The following HSD17B2 variants were observed in gnomAD, a reference collection of about 807,000 sequenced individuals.
HSD17B2 encodes the protein hydroxysteroid 17-beta dehydrogenase 2.
Under a neutral mutation model 26.9 loss-of-function variants are expected in HSD17B2, and 32 were observed. The observed-to-expected ratio is 1.19, with a 90% CI of 0.90 to 1.60. The LOEUF (loss-of-function observed/expected upper bound fraction) is 1.60, where lower values mean the gene tolerates loss of function less well. Ranked by LOEUF, HSD17B2 falls within the 40% of genes most tolerant of loss-of-function variation. HSD17B2 has a pLI of 0.00. For synonymous variants in HSD17B2, 246 were observed against 186.7 expected, an observed-to-expected ratio of 1.32 and a Z score of -2.59; for missense variants, 613 against 468.6, an observed-to-expected ratio of 1.31 and a Z score of -2.85.
chr16:82,067,601 T>C (rs1317709071), intron 1 of HSD17B2, among the ~76,000 whole-genome samples: 3 of 152,226 alleles, frequency 2.0e-5, no homozygotes, highest in Non-Finnish European at 2.9e-5. Flanking sequence ...GTCTATTCCA[T>C]GGCTCAGGGC....
At chr16:82,038,472 C>T (rs1369280046) in intron 1 of HSD17B2, among the ~76,000 whole-genome samples, 1 of 152,180 alleles carries the variant, frequency 6.6e-6, no homozygotes, top group African/African-American at 2.4e-5. Flanking sequence ...GCCTCAGCCT[C>T]TCAAGTAGCT....
intron 1 of HSD17B2, among the ~76,000 whole-genome samples, chr16:82,038,341 A>G (rs116231608): frequency 0.018 from 2,760 of 152,240 alleles, 61 homozygotes; most frequent in South Asian, 0.065. Context: ...GATGCATTTT[A>G]TTTTATTTTA....
intron 1 of HSD17B2, among the ~76,000 whole-genome samples, chr16:82,038,340 T>G (rs1913673979): frequency 6.6e-6 from 1 of 152,182 alleles, no homozygotes; most frequent in Non-Finnish European, 1.5e-5. Flanking sequence ...TGATGCATTT[T>G]ATTTTATTTT....
At chr16:82,063,409 T>A (rs1331064754) in intron 1 of HSD17B2, among the ~76,000 whole-genome samples, 2 of 152,138 alleles carry the variant, frequency 1.3e-5, no homozygotes. Context: ...CAGAGAGTAA[T>A]TAGAAAGGCT....
chr16:82,055,241 G>A (rs1253129325), intron 1 of HSD17B2, among the ~76,000 whole-genome samples: 5 of 152,172 alleles, frequency 3.3e-5, no homozygotes, highest in Non-Finnish European at 7.3e-5. Context: ...TGAGAATTAT[G>A]TTCCTGTCTG....
intron 2 of HSD17B2, among the ~76,000 whole-genome samples, chr16:82,069,694 C>T (rs1914653603): frequency 6.6e-6 from 1 of 152,234 alleles, no homozygotes; most frequent in South Asian, 2.1e-4. Flanking sequence ...CTCAATCCAA[C>T]TGCACATTAG....
intron 1 of HSD17B2, among the ~76,000 whole-genome samples, chr16:82,046,560 C>A (rs1913935432): frequency 6.6e-6 from 1 of 151,766 alleles, no homozygotes; most frequent in Non-Finnish European, 1.5e-5. Context: ...CCATATCTAC[C>A]AAAAATACAA....
intron 1 of HSD17B2, among the ~76,000 whole-genome samples, chr16:82,057,631 G>A (rs1196241291): frequency 6.6e-6 from 1 of 152,176 alleles, no homozygotes; most frequent in East Asian, 1.9e-4. Context: ...CATCTTCCAG[G>A]TCAACATCAG....
intron 3 of HSD17B2, among the ~76,000 whole-genome samples, chr16:82,077,134 A>G (rs1363849519): frequency 6.6e-6 from 1 of 152,200 alleles, no homozygotes; most frequent in Non-Finnish European, 1.5e-5. Flanking sequence ...TCCAAATACC[A>G]ATGACATTCT....
intron 1 of HSD17B2, chr16:82,063,127 A>G (rs1401644375): frequency 6.6e-6 from 1 of 152,182 alleles, no homozygotes; most frequent in East Asian, 1.9e-4. Context: ...CCACATGGTT[A>G]TATGTGACTT....
In HSD17B2 at chr16:82,090,339, G is replaced by T. The variant is rs149731621; in HGVS notation, c.665-563G>T. ...TTTTTTTTTTTTTTTTTTTTTTTGA[G>T]ACGGAGTTTCACTCTTTCGAAAGGC... On this transcript the variant is annotated intron_variant, in intron 3 of 4. Transcript: ENST00000199936. 9.0e-5 allele frequency: 13 copies of T among 144,666 alleles called. No individual in the cohort carries two copies. In the South Asian group the frequency reaches 1.8e-3, roughly 20 times the overall value. The allele number at this position is 144,666 out of a possible 1,614,324, so 9.0% of individuals were successfully genotyped here. A position where few individuals can be genotyped will look rare whatever the true frequency, so the allele number is the denominator to read the frequency against.
intron 1 of HSD17B2, among the ~76,000 whole-genome samples, chr16:82,048,376 C>T (rs1210243121): frequency 2.0e-5 from 3 of 152,126 alleles, no homozygotes; most frequent in South Asian, 2.1e-4. Flanking sequence ...TTGGGGATAC[C>T]GATTAGAGAG....
At position 82,051,801 on chromosome 16, in the gene HSD17B2, T is replaced by G. The variant is rs142786474; in HGVS notation, c.265+16112T>G. ...TTGCAGCTTCTCAGCTCTGCCAGCTTCTTGCTGTGTGACCTGGGTCAGATA... is the reference window on the plus strand; with the variant it reads ...TTGCAGCTTCTCAGCTCTGCCAGCTGCTTGCTGTGTGACCTGGGTCAGATA... On this transcript the variant is annotated intron_variant, in intron 1 of 4. Coordinates refer to ENST00000199936, the MANE Select transcript of HSD17B2 (RefSeq NM_002153.3). Among the ~76,000 whole-genome samples, 1,449 of 152,366 alleles carry G rather than the reference T, an allele frequency of 9.5e-3. 15 individuals are homozygous for G. The highest frequency in any genetic ancestry group is 0.033 in the African/African-American group (1,373 of 41,584).
chr16:82,069,403 G>A (rs1245107242), intron 2 of HSD17B2, among the ~76,000 whole-genome samples: 1 of 152,164 alleles, frequency 6.6e-6, no homozygotes, highest in African/African-American at 2.4e-5. Flanking sequence ...GTAATAGAAT[G>A]GTTTATATTC....
At chr16:82,049,926 CT>C (rs1914055726) in intron 1 of HSD17B2, among the ~76,000 whole-genome samples, 1 of 152,240 alleles carries the variant, frequency 6.6e-6, no homozygotes, top group African/African-American at 2.4e-5. Context: ...TGGATATCAA[CT>C]GTCACTGTGT....
Position 82,098,507 on chromosome 16 carries a change from T to A in HSD17B2, c.*71T>A. 6.7e-7 allele frequency: 1 copy of A among 1,487,710 alleles called. No homozygotes were observed. The highest frequency in any genetic ancestry group is 9.0e-7 in the Non-Finnish European group (1 of 1,115,206). The allele number at this position is 1,487,710 out of a possible 1,614,324, so 92.2% of individuals were successfully genotyped here. A position where few individuals can be genotyped will look rare whatever the true frequency, so the allele number is the denominator to read the frequency against. The stretch of plus-strand genomic sequence containing the variant: ...GAAAGGGAAACTGGGAAACTGGGTT[T>A]CTCATTAAAGTTGTTTCCCACTCTG... On this transcript the variant is annotated 3_prime_UTR_variant, in exon 5 of 5. Transcript: ENST00000199936.
intron 1 of HSD17B2, among the ~76,000 whole-genome samples, chr16:82,062,287 C>G (rs1161733639): frequency 1.3e-5 from 2 of 152,204 alleles, no homozygotes; most frequent in Non-Finnish European, 2.9e-5. Context: ...GGTTTCCAGG[C>G]TGCTAGAGAC....
intron 3 of HSD17B2, among the ~76,000 whole-genome samples, chr16:82,085,696 C>G (rs1904507312): frequency 6.6e-6 from 1 of 152,006 alleles, no homozygotes; most frequent in Non-Finnish European, 1.5e-5. Flanking sequence ...ACTTGGAGAT[C>G]TTGCTAAAAG....
chr16:82,069,138 C>A (rs1322830637), intron 2 of HSD17B2, among the ~76,000 whole-genome samples: 1 of 152,126 alleles, frequency 6.6e-6, no homozygotes, highest in African/African-American at 2.4e-5. Context: ...CTGTTCAGCC[C>A]CCACTTATAA....
Sources: gnomAD v4.1 joint callset for allele counts (sites outside exome capture counted in the v4.1 genomes callset) on GRCh38, gnomAD v4.1.1 for gene constraint, MANE v1.5 for transcripts, NCBI Gene and HGNC (gene_info 2026-07-23, HGNC 2026-07-21) for gene names.